HEATR4: variants seen among roughly 807,000 people sequenced by gnomAD.
HEATR4 encodes the protein HEAT repeat containing 4, also known as HEAT repeat-containing protein 4.
Under a neutral mutation model 108.8 loss-of-function variants are expected in HEATR4, and 95 were observed. The ratio of observed to expected loss-of-function variants is 0.87; its 90% CI spans 0.74 to 1.04. The LOEUF is 1.04. Among genes scored for constraint, HEATR4 ranks in the 50% least tolerant of loss-of-function variants. The pLI, the probability that HEATR4 is intolerant of heterozygous loss-of-function variation, is 0.00. For missense variants in HEATR4, 1,152 were observed against 1,253.8 expected (o/e 0.92, Z 1.23); for synonymous variants, 443 against 459.4 (o/e 0.96, Z 0.46).
chr14:73,486,771 A>G (rs1194377471), intron 17 of HEATR4, among the ~76,000 whole-genome samples: 1 of 152,168 alleles, frequency 6.6e-6, no homozygotes, highest in East Asian at 1.9e-4. Flanking sequence ...CACTTTAGAT[A>G]TAGATGAAGT....
At chr14:73,490,883 A>C (rs1159340349) in intron 17 of HEATR4, 3 of 933,854 alleles carry the variant, frequency 3.2e-6, no homozygotes, top group Middle Eastern at 7.7e-4. Context: ...GAATAGAAGA[A>C]TGATGGGCGT....
At chr14:73,591,486 C>T in the HEATR4 span, among the ~76,000 whole-genome samples, 1 of 151,636 alleles carries the variant, frequency 6.6e-6, no homozygotes, top group Non-Finnish European at 1.5e-5. Flanking sequence ...GCGGAGATTG[C>T]AGTGAGCCGA....
At chr14:73,561,564 G>A (rs1889532186), upstream of HEATR4, among the ~76,000 whole-genome samples, 1 of 151,880 alleles carries the variant, frequency 6.6e-6, no homozygotes. Flanking sequence ...GCACACACCT[G>A]TAGTCCCAGC....
chr14:73,570,884 G>T, the HEATR4 span, among the ~76,000 whole-genome samples: 1 of 143,888 alleles, frequency 6.9e-6, no homozygotes, highest in Non-Finnish European at 1.5e-5. Flanking sequence ...CAGCCTGGGG[G>T]ACAAGAGTGA....
chr14:73,490,786 T>C (rs1295351078), intron 17 of HEATR4, among the ~76,000 whole-genome samples: 2 of 152,226 alleles, frequency 1.3e-5, no homozygotes, highest in Non-Finnish European at 2.9e-5. Context: ...TCTCTGAGTG[T>C]AGATTCCTTG....
chr14:73,529,009 A>C (rs1297694771), intron 2 of HEATR4: 1 of 152,176 alleles, frequency 6.6e-6, no homozygotes, highest in Admixed American at 6.6e-5. Flanking sequence ...AGCCCTCTAG[A>C]ACCAAAAGCA....
At chr14:73,599,218 T>G in the HEATR4 span, among the ~76,000 whole-genome samples, 1 of 150,446 alleles carries the variant, frequency 6.6e-6, no homozygotes, top group Non-Finnish European at 1.5e-5. Flanking sequence ...CGGTGGAGAC[T>G]TCACATAACC....
chr14:73,574,301 G>A, the HEATR4 span: 2 of 134,112 alleles, frequency 1.5e-5, no homozygotes, highest in Admixed American at 8.0e-5. Flanking sequence ...GTCTTGCTGT[G>A]TCACCCAGGC....
intron 17 of HEATR4, among the ~76,000 whole-genome samples, chr14:73,479,390 C>T (rs554629989): frequency 6.6e-6 from 1 of 150,858 alleles, no homozygotes; most frequent in African/African-American, 2.4e-5. Context: ...GCTGGGATTA[C>T]GGTGTCAGCC....
chr14:73,606,722 A>G, the HEATR4 span, among the ~76,000 whole-genome samples: 1 of 152,186 alleles, frequency 6.6e-6, no homozygotes, highest in Non-Finnish European at 1.5e-5. Flanking sequence ...AATGGTAAAC[A>G]TCACTCAGAT....
At chr14:73,553,203 C>T (rs1308931816) in intron 1 of HEATR4, among the ~76,000 whole-genome samples, 2 of 114,538 alleles carry the variant, frequency 1.7e-5, no homozygotes, top group African/African-American at 5.7e-5. Flanking sequence ...CAAGTCCCCA[C>T]TTTTTAATAC....
At chr14:73,524,905 T>TA (rs1888234951) in intron 2 of HEATR4, among the ~76,000 whole-genome samples, 1 of 152,138 alleles carries the variant, frequency 6.6e-6, no homozygotes, top group Admixed American at 6.6e-5. Flanking sequence ...CTTTACTCCT[T>TA]AACACCCAGC....
At chr14:73,487,005 C>T (rs1178153375) in intron 17 of HEATR4, among the ~76,000 whole-genome samples, 3 of 151,992 alleles carry the variant, frequency 2.0e-5, no homozygotes, top group Non-Finnish European at 2.9e-5. Flanking sequence ...CGATGGCTCA[C>T]GCCTGTAATC....
chr14:73,522,314 T>C lies in HEATR4; in HGVS notation c.839A>G (p.Gln280Arg). ...FEDQSVILPP[Q>R]EKKKPELLLP... The stretch of plus-strand genomic sequence containing the variant: ...CAGCAGTTCTGGCTTCTTCTTTTCC[T>C]GTGGGGGCAGGATGACACTTTGATC... The change falls in exon 3 of 18, where the codon CAG becomes CGG. Residue 280 changes from glutamine to arginine, a missense_variant. Gln to Arg is a conservative substitution (Grantham distance 43, BLOSUM62 1). Transcript: ENST00000553558. 6.2e-7 allele frequency: 1 copy of C among 1,614,246 alleles called. No homozygotes were observed. Among genetic ancestry groups the C allele is most frequent in the Non-Finnish European group, 8.5e-7 (1 of 1,180,050 alleles).
intron 11 of HEATR4, among the ~76,000 whole-genome samples, chr14:73,501,490 A>C (rs1317579529): frequency 6.7e-6 from 1 of 150,256 alleles, no homozygotes; most frequent in East Asian, 2.0e-4. Context: ...CCTGACCTCA[A>C]GTGATTCTCC....
chr14:73,561,996 T>G (rs770347900), upstream of HEATR4, among the ~76,000 whole-genome samples: 1 of 151,954 alleles, frequency 6.6e-6, no homozygotes, highest in Non-Finnish European at 1.5e-5. Flanking sequence ...AGAGTGAAGT[T>G]ATGATATGCT....
intron 6 of HEATR4, among the ~76,000 whole-genome samples, chr14:73,512,521 T>TACTTAACCCTGAGCCTGA (rs1427005200): frequency 2.0e-5 from 3 of 152,202 alleles, no homozygotes; most frequent in Non-Finnish European, 4.4e-5. Flanking sequence ...GTGGATAAGT[T>TACTTAACCCTGAGCCTGA]ACTTAACCCT....
Position 73,491,094 on chromosome 14 carries a change from G to A in HEATR4, c.2844+1972C>T, listed in dbSNP as rs775642569. The A allele has an allele frequency of 1.9e-6, 3 of 1,600,836 alleles. No homozygotes were observed. In the South Asian group the frequency reaches 3.4e-5, roughly 18 times the overall value. On this transcript the variant is annotated intron_variant, in intron 17 of 17. Transcript: ENST00000553558. ...CGCCGGCGCAAGCCCCAGCCACACA[G>A]CGGGTCGGTCCTGGCCCTGCCCTTG...
upstream of HEATR4, among the ~76,000 whole-genome samples, chr14:73,561,742 G>A (rs1157539188): frequency 1.3e-5 from 2 of 152,088 alleles, no homozygotes; most frequent in Non-Finnish European, 2.9e-5. Flanking sequence ...CCAGCACTTT[G>A]GGAGGCCGAG....
Sources: allele counts gnomAD v4.1 joint callset (sites outside exome capture counted in the v4.1 genomes callset), GRCh38; gene constraint gnomAD v4.1.1; transcripts MANE v1.5; gene names NCBI Gene and HGNC (gene_info 2026-07-23, HGNC 2026-07-21).